Variants in GMIP observed in about 807,000 individuals in gnomAD.
GMIP encodes GEM-interacting protein.
Under a neutral mutation model 105.3 loss-of-function variants are expected in GMIP, and 54 were observed. The observed-to-expected ratio is 0.51, with a 90% CI of 0.41 to 0.64. The LOEUF (loss-of-function observed/expected upper bound fraction) is 0.64, where lower values mean the gene tolerates loss of function less well. Among genes scored for constraint, GMIP ranks in the 30% least tolerant of loss-of-function variants. The probability of loss-of-function intolerance (pLI) is 0.00; values close to 1 mark genes in which losing one functional copy is unlikely to be tolerated. For missense variants in GMIP, 1,110 were observed against 1,319.4 expected (o/e 0.84, Z 2.46); for synonymous variants, 541 against 560.8 (o/e 0.96, Z 0.50).
rs376381971 is a variant in GMIP, at chr19:19,634,752, G to A, written c.1887+40C>T. 7 of 1,610,630 alleles carry A rather than the reference G, an allele frequency of 4.3e-6. No individual in the cohort carries two copies. The South Asian group carries it at 5.5e-5, about 13-fold the overall frequency. ...ACACGAGTGTGGGTGGGCTGTGGAG[G>A]GCTCCTGCCCGCGTCCCCCTCAGTG... On this transcript the variant is annotated intron_variant, in intron 17 of 20. Coordinates refer to ENST00000203556, the MANE Select transcript of GMIP (RefSeq NM_016573.4). This position sits in a 1 kb window ranked among gnomAD's most constrained non-coding sequence, Gnocchi z 6.1.
Position 19,638,169 on chromosome 19 carries a change from GCCT to G in GMIP, c.776_778del (p.Glu259del). On this transcript the variant is annotated inframe_deletion, in exon 9 of 21. Coordinates refer to ENST00000203556, the MANE Select transcript of GMIP (RefSeq NM_016573.4). ...GGGCCGGGTGCCCACCTTGGCCTGG[GCCT>G]CCTCTCGCGAGCGCCGCCGCCGCTC... is the stretch of plus-strand genomic sequence containing the variant. 5 of 1,582,838 alleles carry G rather than the reference GCCT, an allele frequency of 3.2e-6. No individual in the cohort carries two copies. The highest frequency in any genetic ancestry group is 4.6e-5 in the East Asian group (2 of 43,918).
chr19:19,636,202 T>A, intron 13 of GMIP, among the ~76,000 whole-genome samples: 1 of 112,428 alleles, frequency 8.9e-6, no homozygotes, highest in Admixed American at 1.0e-4. Context: ...AGACTCTGTC[T>A]CAAAAAAAAA....
intron 19 of GMIP, among the ~76,000 whole-genome samples, 176 bp downstream of exon 19, chr19:19,633,627 T>G (rs564259630): frequency 6.6e-6 from 1 of 152,298 alleles, no homozygotes; most frequent in African/African-American, 2.4e-5. Flanking sequence ...TTTTGTTACA[T>G]CATCACTGCC....
rs1162063027 is a variant in GMIP at position 19,638,033 on chromosome 19, G to A, written c.814C>T (p.Gln272Ter). ...AKAQEAEALY[Q>*]ACVREANARQ... Reference sequence around the variant, plus strand: ...GCGTTGGCCTCGCGGACACAGGCCTGGTACAGCGCCTCGGCCTCCTGCGCC... The same window carrying A: ...GCGTTGGCCTCGCGGACACAGGCCTAGTACAGCGCCTCGGCCTCCTGCGCC... The change falls in exon 10 of 21, where the codon CAG becomes TAG. Residue 272 changes from glutamine to a stop codon, truncating the protein, a stop_gained. Coordinates refer to ENST00000203556, the MANE Select transcript of GMIP (RefSeq NM_016573.4). LOFTEE classifies it high-confidence loss of function. The A allele has an allele frequency of 6.3e-7, 1 of 1,591,670 alleles. No individual in the cohort carries two copies. The highest frequency in any genetic ancestry group is 8.5e-7 in the Non-Finnish European group (1 of 1,169,806).
chr19:19,640,592 T>C lies in GMIP; in HGVS notation c.239-21A>G, dbSNP rs1175574331. ...CTCCCCTGGGGAAGATGGATGGACC[T>C]CTGACCTTTGCACCCTAGTCTGCTA... On this transcript the variant is annotated intron_variant, in intron 4 of 20. Coordinates refer to ENST00000203556, the MANE Select transcript of GMIP (RefSeq NM_016573.4). The C allele has an allele frequency of 3.1e-6, 5 of 1,613,424 alleles. 1 individual carries two copies. Among genetic ancestry groups the C allele is most frequent in the Non-Finnish European group, 4.2e-6 (5 of 1,179,910 alleles).
In GMIP at chr19:19,635,843, C is replaced by CAGTG. The variant is rs2061848818; in HGVS notation, c.1328-126_1328-123dup. ...AGGTCAGGAGGGGGATTGGACAGGT[C>CAGTG]AGTGGTTAAGGGTTGGAGAATTGGG... On this transcript the variant is annotated intron_variant, in intron 13 of 20. Transcript: ENST00000203556. The surrounding 1 kb of genome is among the most constrained non-coding windows in gnomAD (Gnocchi z 4.7). 4 of 799,196 alleles carry CAGTG rather than the reference C, an allele frequency of 5.0e-6. No homozygotes were observed. Among genetic ancestry groups the CAGTG allele is most frequent in the South Asian group, 4.4e-5 (3 of 68,642 alleles). The allele number at this position is 799,196 out of a possible 1,614,324, so 49.5% of individuals were successfully genotyped here.
Position 19,637,806 on chromosome 19 carries a change from C to T in GMIP, c.927+114G>A. On this transcript the variant is annotated intron_variant, in intron 10 of 20. Coordinates refer to ENST00000203556, the MANE Select transcript of GMIP (RefSeq NM_016573.4). This position sits in a 1 kb window ranked among gnomAD's most constrained non-coding sequence, Gnocchi z 6.7. ...GGGTCTGGGGGCGGGAACTGGCTGT[C>T]GAGGGAAATGGCCTAGTCCTGGTGT... 8.4e-7 allele frequency: 1 copy of T among 1,187,274 alleles called. No individual in the cohort carries two copies. Among genetic ancestry groups the T allele is most frequent in the Non-Finnish European group, 1.2e-6 (1 of 846,912 alleles). The allele number at this position is 1,187,274 out of a possible 1,614,324, so 73.5% of individuals were successfully genotyped here.
chr19:19,641,917 C>T (rs1224234353), intron 3 of GMIP, 50 bp from the exon 4 acceptor site: 1 of 1,597,088 alleles, frequency 6.3e-7, no homozygotes, highest in Admixed American at 1.7e-5. Flanking sequence ...AGGGGCCTGG[C>T]CTTCCTAAGG....
intron 7 of GMIP, among the ~76,000 whole-genome samples, chr19:19,639,574 C>T (rs1345841563): frequency 6.7e-6 from 1 of 150,276 alleles, no homozygotes; most frequent in Non-Finnish European, 1.5e-5. Flanking sequence ...TTTGGCTGGG[C>T]GTGGTGGCTC....
In GMIP at chr19:19,637,466, C is replaced by G; in HGVS notation, c.1023G>C (p.Pro341=). 6.5e-7 allele frequency: 1 copy of G among 1,531,786 alleles called. No homozygotes were observed. Among genetic ancestry groups the G allele is most frequent in the Non-Finnish European group, 8.8e-7 (1 of 1,141,064 alleles). The allele number at this position is 1,531,786 out of a possible 1,614,324, so 94.9% of individuals were successfully genotyped here. Residue 341 remains proline, a synonymous_variant, in exon 11 of 21, where the codon CCG becomes CCC. Transcript: ENST00000203556. The surrounding 1 kb of genome is among the most constrained non-coding windows in gnomAD (Gnocchi z 6.7). ...ALAECCAPFE[P]GQRYQEFVRA... ...GTACAAACTCCTGGTAGCGCTGGCCCGGCTCAAAGGGCGCACAGCACTCGG... is the reference window on the plus strand; with the variant it reads ...GTACAAACTCCTGGTAGCGCTGGCCGGGCTCAAAGGGCGCACAGCACTCGG...
intron 1 of GMIP, chr19:19,643,252 G>GCAGA (rs2061943073): frequency 2.2e-6 from 1 of 460,174 alleles, no homozygotes. Flanking sequence ...AAAATCAGAA[G>GCAGA]CAGAAGCAGT....
chr19:19,636,037 C>G (rs1398277972), intron 13 of GMIP, among the ~76,000 whole-genome samples: 1 of 151,666 alleles, frequency 6.6e-6, no homozygotes, highest in African/African-American at 2.4e-5. Flanking sequence ...AACCTTGTCT[C>G]TACTAAAAAT....
chr19:19,633,054 C>T (rs534813801), intron 19 of GMIP, among the ~76,000 whole-genome samples: 2 of 150,948 alleles, frequency 1.3e-5, no homozygotes, highest in South Asian at 4.2e-4. Flanking sequence ...ATGTGTCTTA[C>T]TCCACTTTTT....
intron 19 of GMIP, among the ~76,000 whole-genome samples, chr19:19,632,483 G>A (rs543722885): frequency 4.0e-5 from 6 of 151,770 alleles, no homozygotes; most frequent in South Asian, 2.1e-4. Context: ...GTGGTGAGCC[G>A]AGATCGCACC....
chr19:19,637,886 G>C lies in GMIP; in HGVS notation c.927+34C>G, dbSNP rs748682494. 1 of 1,573,078 alleles carries C rather than the reference G, an allele frequency of 6.4e-7. No homozygotes were observed. The highest frequency in any genetic ancestry group is 1.4e-5 in the African/African-American group (1 of 73,896). ...GGCACTCAGTCGGGGCCCCAACGGG[G>C]TGAGGGGAGGATGGCCTTGGGGATG... is the stretch of plus-strand genomic sequence containing the variant. On this transcript the variant is annotated intron_variant, in intron 10 of 20. Coordinates refer to ENST00000203556, the MANE Select transcript of GMIP (RefSeq NM_016573.4). The surrounding 1 kb of genome is among the most constrained non-coding windows in gnomAD (Gnocchi z 6.7).
Position 19,630,842 on chromosome 19 carries a change from A to C in GMIP, c.2473-305T>G, listed in dbSNP as rs1479345627. Among the ~76,000 whole-genome samples, 1 of 152,164 alleles carries C rather than the reference A, an allele frequency of 6.6e-6. No homozygotes were observed. The highest frequency in any genetic ancestry group is 1.5e-5 in the Non-Finnish European group (1 of 68,038). On this transcript the variant is annotated intron_variant, in intron 19 of 20. Transcript: ENST00000203556. The surrounding 1 kb of genome is among the most constrained non-coding windows in gnomAD (Gnocchi z 4.8). ...TCCTCCTATGCACAGGGCATGGACC[A>C]CCACTGACTGTGCACCTGTCATCCT...
rs142302359 is a variant in GMIP, at chr19:19,636,777, C to A, written c.1257G>T (p.Pro419=). 124 of 1,612,350 alleles carry A rather than the reference C, an allele frequency of 7.7e-5. No homozygotes were observed. The highest frequency in any genetic ancestry group is 1.1e-4 in the Non-Finnish European group (124 of 1,179,302). ...WRWQGTPGPT[P]GSDVDSVGGG... ...CACCCACGCTGTCCACATCGCTGCC[C>A]GGAGTGGGGCCTGGAGTCCCTAGGT... Residue 419 remains proline (P), a synonymous_variant, in exon 13 of 21, where the codon CCG becomes CCT. Transcript: ENST00000203556.
rs769936046 is a variant in GMIP at position 19,641,840 on chromosome 19, G to A, written c.208C>T (p.Pro70Ser). ...VTNEASCWSG[P>S]SPEGPVPLTG... ...AGGGGTACAGGACCCTCTGGGGAGG[G>A]GCCGCTCCAACAGCTGGCTTCGTTG... Residue 70 changes from proline to serine, a missense_variant, in exon 4 of 21, where the codon CCC (proline) becomes TCC (serine). Pro to Ser is a moderately conservative substitution (Grantham distance 74). This residue lies in a region of GMIP where 667 missense variants were observed against 773.2 expected (regional missense o/e 0.86). Coordinates refer to ENST00000203556, the MANE Select transcript of GMIP (RefSeq NM_016573.4). 4.3e-6 allele frequency: 7 copies of A among 1,612,676 alleles called. 1 individual carries two copies. The South Asian group carries it at 6.6e-5, about 15-fold the overall frequency.
Position 19,629,600 on chromosome 19 carries a change from G to C in GMIP, c.*363C>G. 4.3e-6 allele frequency: 1 copy of C among 230,082 alleles called. No homozygotes were observed. The highest frequency in any genetic ancestry group is 8.6e-6 in the Non-Finnish European group (1 of 116,188). 14.3% of individuals were successfully genotyped at this position (230,082 alleles called of 1,614,324 possible). A position where few individuals can be genotyped will look rare whatever the true frequency, so the allele number is the denominator to read the frequency against. On this transcript the variant is annotated 3_prime_UTR_variant, in exon 21 of 21. Coordinates refer to ENST00000203556, the MANE Select transcript of GMIP (RefSeq NM_016573.4). The stretch of plus-strand genomic sequence containing the variant: ...GAAGGAGGCAGGCAGGTGTGGGGGA[G>C]TGACCACAACCAAAGTAGCAAAAGC...
Sources: gnomAD v4.1 joint callset for allele counts (sites outside exome capture counted in the v4.1 genomes callset) on GRCh38, gnomAD v4.1.1 for gene constraint, gnomAD v4.1.1 regional missense constraint, Gnocchi (gnomAD v3.1) non-coding constraint, MANE v1.5 for transcripts, NCBI Gene and HGNC (gene_info 2026-07-23, HGNC 2026-07-21) for gene names.